The following FRMD3 variants were observed in gnomAD, a reference collection of about 807,000 sequenced individuals.
The protein encoded by FRMD3 is FERM domain containing 3.
FRMD3 carries 33 observed loss-of-function variants against 70.2 expected under a neutral mutation model. The observed-to-expected ratio is 0.47, with a 90% CI of 0.36 to 0.63. The LOEUF (loss-of-function observed/expected upper bound fraction) is 0.63, where lower values mean the gene tolerates loss of function less well. Among genes scored for constraint, FRMD3 ranks in the 20% least tolerant of loss-of-function variants. The pLI is 0.00. For missense variants in FRMD3, 632 were observed against 711.4 expected (o/e 0.89, Z 1.27); for synonymous variants, 279 against 255.9 (o/e 1.09, Z -0.86).
At chr9:83,257,790 G>C (rs896040767) in intron 13 of FRMD3, among the ~76,000 whole-genome samples, 1 of 151,996 alleles carries the variant, frequency 6.6e-6, no homozygotes, top group Non-Finnish European at 1.5e-5. Flanking sequence ...CAGTTAATAA[G>C]TTTAATAATT....
chr9:83,518,414 T>G (rs1262438014), intron 1 of FRMD3, among the ~76,000 whole-genome samples: 1 of 152,004 alleles, frequency 6.6e-6, no homozygotes, highest in Non-Finnish European at 1.5e-5. Flanking sequence ...ATAACATACC[T>G]AGGAATACAA....
At chr9:83,380,173 G>A (rs919626352) in intron 2 of FRMD3, among the ~76,000 whole-genome samples, 1 of 152,158 alleles carries the variant, frequency 6.6e-6, no homozygotes, top group African/African-American at 2.4e-5. Flanking sequence ...CTGGAAACCT[G>A]CAAAGCCCCT....
At chr9:83,344,505 G>A (rs1003286782) in intron 4 of FRMD3, among the ~76,000 whole-genome samples, 1 of 152,146 alleles carries the variant, frequency 6.6e-6, no homozygotes, top group African/African-American at 2.4e-5. Flanking sequence ...AGTGTGAGTG[G>A]ACCTCATGCA....
At chr9:83,378,510 A>G (rs1450639057) in intron 2 of FRMD3, among the ~76,000 whole-genome samples, 3 of 80,670 alleles carry the variant, frequency 3.7e-5, no homozygotes, top group Non-Finnish European at 5.4e-5. Flanking sequence ...ATTTATATAT[A>G]TAATATACAT....
the FRMD3 span, among the ~76,000 whole-genome samples, chr9:83,550,901 A>G: frequency 1.3e-5 from 2 of 152,142 alleles, no homozygotes; most frequent in African/African-American, 2.4e-5. Context: ...TTTTCTAGAT[A>G]TAGAATCATA....
intron 6 of FRMD3, among the ~76,000 whole-genome samples, chr9:83,316,801 G>C (rs548247690): frequency 3.7e-4 from 56 of 152,290 alleles, no homozygotes; most frequent in African/African-American, 1.3e-3. Flanking sequence ...GATGGGAAAA[G>C]AGATCTCTGG....
At chr9:83,330,030 T>C (rs1164981532) in intron 6 of FRMD3, among the ~76,000 whole-genome samples, 1 of 152,074 alleles carries the variant, frequency 6.6e-6, no homozygotes, top group Non-Finnish European at 1.5e-5. Flanking sequence ...CAGGTGGCTT[T>C]GATTAAAGCT....
intron 1 of FRMD3, among the ~76,000 whole-genome samples, chr9:83,462,253 G>A (rs1244625705): frequency 2.0e-5 from 3 of 152,064 alleles, no homozygotes; most frequent in Admixed American, 1.3e-4. Flanking sequence ...CCATACCACC[G>A]GGCTGGAAGG....
chr9:83,565,546 G>GTCAC, the FRMD3 span, among the ~76,000 whole-genome samples: 1 of 152,160 alleles, frequency 6.6e-6, no homozygotes, highest in South Asian at 2.1e-4. Context: ...GATGGACCCA[G>GTCAC]TCACCCAGGG....
In FRMD3 at chr9:83,323,001, A is replaced by T. The variant is rs143750109; in HGVS notation, c.597-9254T>A. On this transcript the variant is annotated intron_variant, in intron 6 of 13. Transcript: ENST00000304195. ...ACTATGAGAAACCACTAACATCTCC[A>T]TCTGGTAGCTACAGTTAAAAAGACT... Among the ~76,000 whole-genome samples the T allele has an allele frequency of 4.6e-5, 7 of 152,354 alleles. 1 individual carries two copies. The East Asian group carries it at 1.2e-3, about 25-fold the overall frequency.
chr9:83,344,438 T>C (rs920078094), intron 4 of FRMD3, among the ~76,000 whole-genome samples: 6 of 152,202 alleles, frequency 3.9e-5, no homozygotes, highest in Non-Finnish European at 7.4e-5. Context: ...ACGAGGGTGA[T>C]TCTGGAAGAG....
chr9:83,346,264 A>G (rs983958019), intron 4 of FRMD3, among the ~76,000 whole-genome samples: 4 of 143,368 alleles, frequency 2.8e-5, no homozygotes, highest in African/African-American at 1.0e-4. Context: ...TCAAAAAAAA[A>G]AAAAAAAAAA....
At chr9:83,473,935 T>G (rs1440392074) in intron 1 of FRMD3, among the ~76,000 whole-genome samples, 17 of 152,226 alleles carry the variant, frequency 1.1e-4, no homozygotes, top group Admixed American at 1.1e-3. Flanking sequence ...AAACTCCTGC[T>G]GAGGTTAACA....
At chr9:83,386,827 A>G (rs1825524588) in intron 2 of FRMD3, among the ~76,000 whole-genome samples, 2 of 152,118 alleles carry the variant, frequency 1.3e-5, no homozygotes. Context: ...TCATGACCTC[A>G]CACTTTTGAA....
intron 1 of FRMD3, among the ~76,000 whole-genome samples, chr9:83,487,608 C>A (rs904578699): frequency 6.6e-6 from 1 of 152,138 alleles, no homozygotes; most frequent in African/African-American, 2.4e-5. Flanking sequence ...AAAGTGCCAG[C>A]CCTAGCCAGT....
In FRMD3 at chr9:83,361,544, C is replaced by T. The variant is rs536001332; in HGVS notation, c.295+11369G>A. ...GACCAAGGTCAGCAAAACAGAACAA[C>T]ATACACAAAGGGGGCTAGAGGTAGT... is the stretch of plus-strand genomic sequence containing the variant. On this transcript the variant is annotated intron_variant, in intron 3 of 13. Coordinates refer to ENST00000304195, the MANE Select transcript of FRMD3 (RefSeq NM_174938.6). Among the ~76,000 whole-genome samples the T allele has an allele frequency of 6.6e-5, 10 of 152,250 alleles. No individual in the cohort carries two copies. In the East Asian group the frequency reaches 1.2e-3, roughly 18 times the overall value.
At chr9:83,454,753 A>C (rs1173566736) in intron 1 of FRMD3, among the ~76,000 whole-genome samples, 1 of 152,162 alleles carries the variant, frequency 6.6e-6, no homozygotes, top group Non-Finnish European at 1.5e-5. Context: ...ACCAGCCACC[A>C]CTTCAGTAGC....
At chr9:83,363,194 G>A (rs1353874082) in intron 3 of FRMD3, among the ~76,000 whole-genome samples, 1 of 152,142 alleles carries the variant, frequency 6.6e-6, no homozygotes, top group African/African-American at 2.4e-5. Context: ...TTCCCCAGAG[G>A]TAACCACAGT....
intron 1 of FRMD3, among the ~76,000 whole-genome samples, chr9:83,479,299 A>AAGG (rs778648443): frequency 6.8e-6 from 1 of 147,414 alleles, no homozygotes; most frequent in African/African-American, 2.5e-5. Flanking sequence ...GAAGAAGAAG[A>AAGG]AGAAGGAGAA....
Sources: gnomAD v4.1 joint callset for allele counts (sites outside exome capture counted in the v4.1 genomes callset) on GRCh38, gnomAD v4.1.1 for gene constraint, MANE v1.5 for transcripts, NCBI Gene and HGNC (gene_info 2026-07-23, HGNC 2026-07-21) for gene names.